The following CDYL variants were observed in gnomAD, a reference collection of about 807,000 sequenced individuals.
CDYL encodes chromodomain Y-like protein.
CDYL carries 8 observed loss-of-function variants against 47.3 expected under a neutral mutation model. The ratio of observed to expected loss-of-function variants is 0.17; its 90% confidence interval spans 0.10 to 0.31. CDYL has a LOEUF of 0.31. Ranked by LOEUF, CDYL falls within the 10% of genes least tolerant of loss-of-function variation. CDYL has a pLI of 1.00. For synonymous variants in CDYL, 266 were observed against 265.0 expected, an observed-to-expected ratio of 1.00 and a Z score of -0.04; for missense variants, 471 against 701.4, an observed-to-expected ratio of 0.67 and a Z score of 3.71.
In CDYL at chr6:4,715,078, G is replaced by A. The variant is rs572115911; in HGVS notation, c.-38-663G>A. On this transcript the variant is annotated intron_variant, in intron 1 of 8. Transcript: ENST00000328908. ...AATGGCATGTTTCCATAAACCCTCT[G>A]CATAGGCACGCCCAACCACTCGCCA... 2.0e-5 allele frequency among the ~76,000 whole-genome samples: 3 copies of A among 152,268 alleles called. No homozygotes were observed. In the South Asian group the frequency reaches 6.2e-4, roughly 32 times the overall value.
At position 4,918,586 on chromosome 6, in the gene CDYL, G is replaced by A. The variant is rs192397789; in HGVS notation, c.692-16929G>A. ...TTGCGTAGTAATTTCTGATGTTTTT[G>A]TTTTAGTTTGTCAAAAGTAAAACTA... On this transcript the variant is annotated intron_variant, in intron 2 of 6. Coordinates refer to ENST00000397588, the MANE Select transcript of CDYL (RefSeq NM_004824.4). 7.5e-3 allele frequency among the ~76,000 whole-genome samples: 1,145 copies of A among 152,224 alleles called. 9 individuals carry two copies. The highest frequency in any genetic ancestry group is 0.011 in the Non-Finnish European group (723 of 67,992).
intron 2 of CDYL, among the ~76,000 whole-genome samples, chr6:4,733,819 G>GTTTCTT (rs1554132650): frequency 2.7e-5 from 4 of 149,808 alleles, no homozygotes; most frequent in Non-Finnish European, 3.0e-5. Flanking sequence ...TCTCTCTGCA[G>GTTTCTT]TTTCTTTTTC....
At chr6:4,926,993 C>T (rs1757893824) in intron 2 of CDYL, among the ~76,000 whole-genome samples, 2 of 152,102 alleles carry the variant, frequency 1.3e-5, no homozygotes, top group Non-Finnish European at 2.9e-5. Flanking sequence ...TGCTGTGATG[C>T]ACTTATTGAC....
At chr6:4,936,245 G>A (rs938772772) in intron 3 of CDYL, among the ~76,000 whole-genome samples, 1 of 152,150 alleles carries the variant, frequency 6.6e-6, no homozygotes, top group Non-Finnish European at 1.5e-5. Context: ...ATACTCCTCA[G>A]CGGTTGTAGC....
intron 3 of CDYL, among the ~76,000 whole-genome samples, chr6:4,756,493 C>G (rs901916669): frequency 6.6e-6 from 1 of 151,684 alleles, no homozygotes; most frequent in African/African-American, 2.4e-5. Flanking sequence ...TAAAGTTTAC[C>G]TACTGTATTT....
chr6:4,819,162 C>CTCTCTGTGTGTG (rs1016051589), intron 1 of CDYL, among the ~76,000 whole-genome samples: 17 of 112,002 alleles, frequency 1.5e-4, no homozygotes, highest in African/African-American at 7.7e-4. Flanking sequence ...CTCTCTCTCT[C>CTCTCTGTGTGTG]TGTGTGTGTG....
chr6:4,846,982 C>A (rs1211440572), intron 1 of CDYL, among the ~76,000 whole-genome samples: 1 of 152,168 alleles, frequency 6.6e-6, no homozygotes, highest in East Asian at 1.9e-4. Flanking sequence ...AGTCTCAGAT[C>A]CACTTAGATC....
At chr6:4,741,287 C>T (rs930190535) in intron 3 of CDYL, among the ~76,000 whole-genome samples, 2 of 152,146 alleles carry the variant, frequency 1.3e-5, no homozygotes, top group East Asian at 3.8e-4. Context: ...ATTAAATCAC[C>T]TTCTCCATAG....
chr6:4,817,715 C>T (rs550902341), intron 1 of CDYL, among the ~76,000 whole-genome samples: 1 of 152,242 alleles, frequency 6.6e-6, no homozygotes, highest in African/African-American at 2.4e-5. Flanking sequence ...CATGACTCAT[C>T]GTGACTTCCA....
At chr6:4,860,349 TTC>T (rs1273634299) in intron 1 of CDYL, among the ~76,000 whole-genome samples, 6 of 151,712 alleles carry the variant, frequency 4.0e-5, no homozygotes, top group Admixed American at 3.3e-4. Flanking sequence ...CACTCCCCCC[TTC>T]TTTCCCTCCC....
chr6:4,830,183 CTG>C (rs771398736), intron 1 of CDYL, among the ~76,000 whole-genome samples: 18 of 152,240 alleles, frequency 1.2e-4, no homozygotes, highest in African/African-American at 1.9e-4. Flanking sequence ...AACTGTGAGT[CTG>C]TGTAAAAGGG....
At chr6:4,905,266 G>A (rs1200890347) in intron 2 of CDYL, among the ~76,000 whole-genome samples, 1 of 152,122 alleles carries the variant, frequency 6.6e-6, no homozygotes, top group African/African-American at 2.4e-5. Context: ...AACCCACTCA[G>A]GAATTCTCGT....
At chr6:4,780,937 A>G (rs1477512757) in intron 1 of CDYL, among the ~76,000 whole-genome samples, 3 of 152,222 alleles carry the variant, frequency 2.0e-5, no homozygotes, top group Non-Finnish European at 4.4e-5. Context: ...TGCTGTAGTA[A>G]AATGGAATAA....
chr6:4,747,691 A>G (rs1003434191), intron 3 of CDYL, among the ~76,000 whole-genome samples: 5 of 152,226 alleles, frequency 3.3e-5, no homozygotes, highest in Admixed American at 3.3e-4. Context: ...GGACACAGAC[A>G]AAAGGGAACT....
At chr6:4,809,659 T>C (rs1434742179) in intron 1 of CDYL, among the ~76,000 whole-genome samples, 1 of 151,452 alleles carries the variant, frequency 6.6e-6, no homozygotes, top group African/African-American at 2.4e-5. Context: ...AGGGGTATTA[T>C]ATTAGTCCTT....
intron 1 of CDYL, among the ~76,000 whole-genome samples, chr6:4,883,300 C>T (rs1233489614): frequency 6.6e-6 from 1 of 152,176 alleles, no homozygotes; most frequent in Non-Finnish European, 1.5e-5. Context: ...GAGCCTTCCT[C>T]AGGGATGAAA....
At chr6:4,903,314 G>C (rs1308424042) in intron 2 of CDYL, among the ~76,000 whole-genome samples, 1 of 152,146 alleles carries the variant, frequency 6.6e-6, no homozygotes, top group African/African-American at 2.4e-5. Context: ...CTGCATCCCA[G>C]TGCTCAAGGG....
chr6:4,845,407 A>T (rs772103521), intron 1 of CDYL, among the ~76,000 whole-genome samples: 1 of 152,220 alleles, frequency 6.6e-6, no homozygotes, highest in Non-Finnish European at 1.5e-5. Context: ...TACTGCCATG[A>T]TGAAGTATTC....
intron 2 of CDYL, among the ~76,000 whole-genome samples, chr6:4,727,645 G>T (rs1478101470): frequency 8.7e-6 from 1 of 115,328 alleles, no homozygotes; most frequent in East Asian, 3.0e-4. Flanking sequence ...TCTATTTGAT[G>T]CTGTGTTTAG....
Sources: gnomAD v4.1 joint callset for allele counts (sites outside exome capture counted in the v4.1 genomes callset) on GRCh38, gnomAD v4.1.1 for gene constraint, MANE v1.5 for transcripts, NCBI Gene and HGNC (gene_info 2026-07-23, HGNC 2026-07-21) for gene names.